PDXDC1: variants seen among roughly 807,000 people sequenced by gnomAD.
PDXDC1 encodes pyridoxal dependent decarboxylase domain containing 1.
PDXDC1 carries 42 observed loss-of-function variants against 100.1 expected under a neutral mutation model. The ratio of observed to expected loss-of-function variants is 0.42; its 90% CI spans 0.33 to 0.54. The LOEUF (loss-of-function observed/expected upper bound fraction) is 0.54. Among genes scored for constraint, PDXDC1 ranks in the 20% least tolerant of loss-of-function variants. The pLI is 0.10. For missense variants in PDXDC1, 636 were observed against 979.2 expected (o/e 0.65, Z 4.68); for synonymous variants, 260 against 371.7 (o/e 0.70, Z 3.46).
chr16:15,035,238 C>T (rs975854244), intron 21 of PDXDC1, among the ~76,000 whole-genome samples: 2 of 152,202 alleles, frequency 1.3e-5, no homozygotes, highest in Non-Finnish European at 2.9e-5. Context: ...GTGCTTACGC[C>T]ATACTGCTGG....
At chr16:14,976,419 G>C (rs1214611530) in intron 1 of PDXDC1, among the ~76,000 whole-genome samples, 1 of 152,292 alleles carries the variant, frequency 6.6e-6, no homozygotes, top group Non-Finnish European at 1.5e-5. Context: ...ATGTCTTCAT[G>C]TGCTCACAGT....
chr16:15,128,145 C>T (rs747053655), intron 16 of PDXDC1: 8 of 1,609,332 alleles, frequency 5.0e-6, no homozygotes, highest in East Asian at 2.2e-5. Context: ...CCTGCAGAGG[C>T]GCGGGAGGGA....
Position 15,015,061 on chromosome 16 carries a change from G to A in PDXDC1, c.728-1068G>A, listed in dbSNP as rs1567676195. ...CACGCCATTCTCCCGCCTCGGCCCCGCGAGTACCTGGGACTATAGGCGCCC... is the reference window on the plus strand; with the variant it reads ...CACGCCATTCTCCCGCCTCGGCCCCACGAGTACCTGGGACTATAGGCGCCC... On this transcript the variant is annotated intron_variant, in intron 8 of 22. Coordinates refer to ENST00000396410, the MANE Select transcript of PDXDC1 (RefSeq NM_015027.4). Among the ~76,000 whole-genome samples the A allele has an allele frequency of 2.0e-5, 3 of 152,246 alleles. 1 individual carries two copies. The highest frequency in any genetic ancestry group is 1.3e-4 in the Admixed American group (2 of 15,290).
At chr16:15,027,263 GCTT>G (rs1370337707) in intron 14 of PDXDC1, among the ~76,000 whole-genome samples, 3 of 152,296 alleles carry the variant, frequency 2.0e-5, no homozygotes, top group Non-Finnish European at 2.9e-5. Context: ...GGTGTGGCTC[GCTT>G]CTTCAGTGCC....
chr16:15,061,684 G>A, intron 16 of PDXDC1: 3 of 1,520,364 alleles, frequency 2.0e-6, no homozygotes, highest in Admixed American at 1.7e-5. Flanking sequence ...GCTGGGTGCT[G>A]AGGGCATGAC....
intron 16 of PDXDC1, chr16:15,132,879 G>C: frequency 9.4e-6 from 15 of 1,591,708 alleles, no homozygotes; most frequent in Non-Finnish European, 1.2e-5. Flanking sequence ...TCGTACTGGG[G>C]CAGGCAGGCG....
intron 1 of PDXDC1, among the ~76,000 whole-genome samples, chr16:14,979,671 C>G (rs1377350751): frequency 2.0e-5 from 3 of 152,294 alleles, no homozygotes; most frequent in Admixed American, 1.3e-4. Context: ...CAACTCAGCC[C>G]ATTTTTGGTT....
chr16:14,981,530 A>C (rs1967984707), intron 1 of PDXDC1, among the ~76,000 whole-genome samples: 1 of 152,290 alleles, frequency 6.6e-6, no homozygotes, highest in African/African-American at 2.4e-5. Context: ...TTCCAGGTAA[A>C]CAGTAAAGTT....
intron 14 of PDXDC1, among the ~76,000 whole-genome samples, chr16:15,028,187 T>TCCGCGCTC (rs1368342680): frequency 6.6e-6 from 1 of 152,296 alleles, no homozygotes; most frequent in African/African-American, 2.4e-5. Flanking sequence ...ACCAGTCTTC[T>TCCGCGCTC]CCGCGCTCCA....
the PDXDC1 span, among the ~76,000 whole-genome samples, chr16:15,147,230 G>A: frequency 1.4e-4 from 21 of 151,986 alleles, no homozygotes; most frequent in Non-Finnish European, 2.5e-4. Context: ...TCAGCCCCTC[G>A]GGGAGTGCAA....
the PDXDC1 span, among the ~76,000 whole-genome samples, chr16:15,145,234 G>A: frequency 6.6e-6 from 1 of 152,234 alleles, no homozygotes; most frequent in Non-Finnish European, 1.5e-5. Flanking sequence ...GCACAGCAGT[G>A]CCCTGGAGAG....
chr16:15,073,066 C>A (rs374353637), intron 16 of PDXDC1: 1 of 1,610,094 alleles, frequency 6.2e-7, no homozygotes, highest in Admixed American at 1.7e-5. Flanking sequence ...TTTGTTTTGC[C>A]GTTATCAACC....
chr16:15,133,716 C>T lies in PDXDC1; in HGVS notation c.1400-5163C>T, dbSNP rs551029251. 7.9e-5 allele frequency: 127 copies of T among 1,604,850 alleles called. 1 individual carries two copies. In the South Asian group the frequency reaches 1.3e-3, roughly 17 times the overall value. On this transcript the variant is annotated intron_variant, in intron 16 of 16. Transcript: ENST00000535621. The stretch of plus-strand genomic sequence containing the variant: ...GCGTCATGCCAGCCTGAGGGACGGT[C>T]CCCATGGCATCACGGGAGGGCTCCG...
Position 15,038,225 on chromosome 16 carries a change from T to C in PDXDC1, c.*1950T>C. Reference sequence around the variant, plus strand: ...GTGGAAAGATTCTGAAAACACAAGATGGTGGGCATTAGAGAAGCCAACCTT... The same window carrying C: ...GTGGAAAGATTCTGAAAACACAAGACGGTGGGCATTAGAGAAGCCAACCTT... On this transcript the variant is annotated 3_prime_UTR_variant, in exon 23 of 23. Coordinates refer to ENST00000396410, the MANE Select transcript of PDXDC1 (RefSeq NM_015027.4). The C allele has an allele frequency of 1.9e-6, 3 of 1,608,696 alleles. No homozygotes were observed. Among genetic ancestry groups the C allele is most frequent in the Non-Finnish European group, 2.5e-6 (3 of 1,176,758 alleles).
chr16:15,082,669 C>T (rs2045756172), intron 16 of PDXDC1, among the ~76,000 whole-genome samples: 1 of 151,238 alleles, frequency 6.6e-6, no homozygotes, highest in South Asian at 2.1e-4. Context: ...GGAGACTGTC[C>T]CCCCACCCCT....
chr16:15,089,848 G>A (rs1272827170), intron 16 of PDXDC1, among the ~76,000 whole-genome samples: 10 of 144,466 alleles, frequency 6.9e-5, no homozygotes, highest in Non-Finnish European at 1.1e-4. Flanking sequence ...GATCAGAAAC[G>A]CTGAAGTTTT....
At chr16:15,094,425 T>A in intron 16 of PDXDC1, 2 of 617,124 alleles carry the variant, frequency 3.2e-6, no homozygotes, top group Non-Finnish European at 2.9e-6. Flanking sequence ...GGAGGACTTG[T>A]TCCAGCCAGC....
intron 16 of PDXDC1, among the ~76,000 whole-genome samples, chr16:15,069,220 C>T (rs1439323048): frequency 6.6e-6 from 1 of 152,030 alleles, no homozygotes; most frequent in Non-Finnish European, 1.5e-5. Context: ...GTTGTCACAG[C>T]TGGGGGTGGT....
At chr16:15,124,260 T>C (rs996410445) in intron 16 of PDXDC1, among the ~76,000 whole-genome samples, 4 of 152,218 alleles carry the variant, frequency 2.6e-5, no homozygotes, top group African/African-American at 9.6e-5. Context: ...TTCCTGGCCC[T>C]GTCCTCAGCT....
Sources: gnomAD v4.1 joint callset for allele counts (sites outside exome capture counted in the v4.1 genomes callset) on GRCh38, gnomAD v4.1.1 for gene constraint, MANE v1.5 for transcripts, NCBI Gene and HGNC (gene_info 2026-07-23, HGNC 2026-07-21) for gene names.